Variants in BMERB1 observed in about 807,000 individuals in gnomAD.
The protein encoded by BMERB1 is bMERB domain-containing protein 1.
A neutral mutation model predicts 23.6 loss-of-function variants in BMERB1; 12 were observed. The observed-to-expected ratio is 0.51, with a 90% CI of 0.33 to 0.82. The LOEUF is 0.82. Ranked by LOEUF, BMERB1 falls within the 40% of genes least tolerant of loss-of-function variation. The pLI, the probability that BMERB1 is intolerant of heterozygous loss-of-function variation, is 0.03. For synonymous variants in BMERB1, 122 were observed against 96.6 expected, an observed-to-expected ratio of 1.26 and a Z score of -1.54; for missense variants, 247 against 255.4, an observed-to-expected ratio of 0.97 and a Z score of 0.22.
chr16:15,500,799 G>A (rs908317777), intron 1 of BMERB1, among the ~76,000 whole-genome samples: 1 of 152,126 alleles, frequency 6.6e-6, no homozygotes, highest in African/African-American at 2.4e-5. Flanking sequence ...TGACAGGCAC[G>A]TGCCACCAGA....
At chr16:15,499,185 G>A (rs2051502903) in intron 1 of BMERB1, among the ~76,000 whole-genome samples, 1 of 151,936 alleles carries the variant, frequency 6.6e-6, no homozygotes, top group South Asian at 2.1e-4. Context: ...CTATTTCACT[G>A]CAAAAGTCAA....
At chr16:15,574,234 CTA>C (rs994953134) in intron 3 of BMERB1, among the ~76,000 whole-genome samples, 14 of 152,186 alleles carry the variant, frequency 9.2e-5, no homozygotes, top group African/African-American at 3.4e-4. Flanking sequence ...AACTCGCTCA[CTA>C]TCACGAGAAC....
intron 2 of BMERB1, among the ~76,000 whole-genome samples, chr16:15,523,263 G>A (rs759257726): frequency 2.0e-5 from 3 of 152,000 alleles, no homozygotes; most frequent in Non-Finnish European, 4.4e-5. Context: ...CTTCTTTGCC[G>A]ATCTGCAGCT....
At chr16:15,552,265 C>T (rs1384902052) in intron 2 of BMERB1, among the ~76,000 whole-genome samples, 1 of 151,994 alleles carries the variant, frequency 6.6e-6, no homozygotes, top group East Asian at 1.9e-4. Flanking sequence ...CATGGTGAAA[C>T]CCCGTCTCTA....
intron 3 of BMERB1, among the ~76,000 whole-genome samples, chr16:15,579,264 G>T (rs1035821390): frequency 6.6e-6 from 1 of 152,158 alleles, no homozygotes; most frequent in African/African-American, 2.4e-5. Context: ...GTGTTGGTGC[G>T]TGCTTGGAGA....
intron 2 of BMERB1, among the ~76,000 whole-genome samples, chr16:15,563,386 A>G (rs2030479638): frequency 6.6e-6 from 1 of 151,768 alleles, no homozygotes; most frequent in Non-Finnish European, 1.5e-5. Context: ...CGCCCGGCTA[A>G]TTTTTCGTAT....
At chr16:15,544,512 G>A (rs2150963988) in intron 2 of BMERB1, among the ~76,000 whole-genome samples, 1 of 152,248 alleles carries the variant, frequency 6.6e-6, no homozygotes, top group South Asian at 2.1e-4. Flanking sequence ...TTACTTATGG[G>A]CAGAAAAGAA....
chr16:15,482,630 C>T (rs767146588), intron 1 of BMERB1, among the ~76,000 whole-genome samples: 1 of 152,134 alleles, frequency 6.6e-6, no homozygotes, highest in Admixed American at 6.5e-5. Flanking sequence ...TTCAGTTTCA[C>T]ATCTGGAGGA....
At chr16:15,562,867 C>G (rs2030462362) in intron 2 of BMERB1, among the ~76,000 whole-genome samples, 1 of 152,188 alleles carries the variant, frequency 6.6e-6, no homozygotes, top group African/African-American at 2.4e-5. Context: ...CTAGGACATT[C>G]CAGGGCACGA....
At chr16:15,451,037 A>T (rs989292310) in intron 1 of BMERB1, among the ~76,000 whole-genome samples, 1 of 152,210 alleles carries the variant, frequency 6.6e-6, no homozygotes, top group African/African-American at 2.4e-5. Context: ...GTGAGATTTA[A>T]AGCCTCATGC....
chr16:15,468,965 C>CTTTTTTTT (rs773392188), intron 1 of BMERB1, among the ~76,000 whole-genome samples: 1 of 126,430 alleles, frequency 7.9e-6, no homozygotes, highest in Non-Finnish European at 1.6e-5. Context: ...CATCTTCACA[C>CTTTTTTTT]TTTTTTTTTT....
At chr16:15,569,488 C>T (rs2030669473) in intron 3 of BMERB1, among the ~76,000 whole-genome samples, 1 of 152,136 alleles carries the variant, frequency 6.6e-6, no homozygotes, top group Non-Finnish European at 1.5e-5. Flanking sequence ...GAGGATGGGG[C>T]TAAACCATCA....
chr16:15,582,114 A>G (rs1012113718), intron 4 of BMERB1, among the ~76,000 whole-genome samples: 11 of 152,094 alleles, frequency 7.2e-5, no homozygotes, highest in East Asian at 1.9e-4. Flanking sequence ...ATTATATTCT[A>G]TGGTCGGGTA....
chr16:15,579,660 TC>T (rs537839062), intron 3 of BMERB1, among the ~76,000 whole-genome samples: 37 of 152,206 alleles, frequency 2.4e-4, no homozygotes, highest in Admixed American at 1.3e-3. Context: ...CAGCCCTCTC[TC>T]TTTTTTTTAT....
At chr16:15,532,705 C>T (rs577801312) in intron 2 of BMERB1, among the ~76,000 whole-genome samples, 4 of 151,940 alleles carry the variant, frequency 2.6e-5, no homozygotes, top group African/African-American at 9.7e-5. Context: ...GCCACCATGC[C>T]CGGCTAATTT....
intron 2 of BMERB1, among the ~76,000 whole-genome samples, 179 bp from the exon 3 acceptor site, chr16:15,567,804 G>A (rs573793856): frequency 2.0e-5 from 3 of 152,318 alleles, no homozygotes; most frequent in South Asian, 4.1e-4. Context: ...TTTCTAGGTG[G>A]TGGGATAATT....
Position 15,515,367 on chromosome 16 carries a change from A to G in BMERB1, c.169A>G (p.Met57Val), listed in dbSNP as rs2051736001. The change falls in exon 2 of 6, where the codon ATG becomes GTG. Residue 57 changes from methionine to valine, a missense_variant. Coordinates refer to ENST00000300006, the MANE Select transcript of BMERB1 (RefSeq NM_033201.3). ...GATGCCAGAGGAGATTGAGCTGGAG[A>G]TGGCAAAAATTCAGCGTCTCCGGGA... ...TMMPEEIELE[M>V]AKIQRLREVL... 3 of 1,613,952 alleles carry G rather than the reference A, an allele frequency of 1.9e-6. No individual in the cohort carries two copies. The highest frequency in any genetic ancestry group is 2.5e-6 in the Non-Finnish European group (3 of 1,179,994).
chr16:15,457,808 T>C (rs1327718547), intron 1 of BMERB1, among the ~76,000 whole-genome samples: 4 of 152,120 alleles, frequency 2.6e-5, no homozygotes, highest in Non-Finnish European at 5.9e-5. Flanking sequence ...CAAGATTGGG[T>C]AATTTATAAA....
Position 15,571,247 on chromosome 16 carries a change from C to A in BMERB1, c.304+3191C>A, listed in dbSNP as rs1187989399. 1.3e-5 allele frequency among the ~76,000 whole-genome samples: 2 copies of A among 152,090 alleles called. 1 individual carries two copies. The highest frequency in any genetic ancestry group is 2.9e-5 in the Non-Finnish European group (2 of 68,014). On this transcript the variant is annotated intron_variant, in intron 3 of 5. Transcript: ENST00000300006. ...TTGCTGAATGTACCCCAAGCGAGGT[C>A]AGGGGGGTGTGCAACATTGCCCTAT... is the stretch of plus-strand genomic sequence containing the variant.
Sources: allele counts gnomAD v4.1 joint callset (sites outside exome capture counted in the v4.1 genomes callset), GRCh38; gene constraint gnomAD v4.1.1; transcripts MANE v1.5; gene names NCBI Gene and HGNC (gene_info 2026-07-23, HGNC 2026-07-21).